CASZ1: variants seen among roughly 807,000 people sequenced by gnomAD.
CASZ1 encodes the protein castor zinc finger 1, also known as zinc finger protein castor homolog 1.
A neutral mutation model predicts 135.2 loss-of-function variants in CASZ1; 28 were observed. The ratio of observed to expected loss-of-function variants is 0.21; its 90% CI spans 0.15 to 0.28. The LOEUF is 0.28. CASZ1 is among the 10% of genes least tolerant of loss of function. The probability of loss-of-function intolerance (pLI) is 1.00; values close to 1 mark genes in which losing one functional copy is unlikely to be tolerated. For synonymous variants in CASZ1, 1,068 were observed against 1,073.4 expected (o/e 0.99, Z 0.10); for missense variants, 2,161 against 2,453.3 (o/e 0.88, Z 2.52).
chr1:10,653,368 C>A lies in CASZ1; in HGVS notation c.2680+9G>T. The A allele has an allele frequency of 6.2e-7, 1 of 1,613,010 alleles. No individual in the cohort carries two copies. The highest frequency in any genetic ancestry group is 1.3e-5 in the African/African-American group (1 of 75,078). On this transcript the variant is annotated intron_variant, in intron 11 of 20. Coordinates refer to ENST00000377022, the MANE Select transcript of CASZ1 (RefSeq NM_001079843.3). ...TGCCTGCTTTCTGGGCAGGACCCAG[C>A]CTGCTCACCTGGGTCAAAGGTGGCA...
chr1:10,743,757 C>T (rs1436852407), intron 2 of CASZ1, among the ~76,000 whole-genome samples: 1 of 151,210 alleles, frequency 6.6e-6, no homozygotes, highest in East Asian at 1.9e-4. Flanking sequence ...CCTTGGAGAA[C>T]CCCGATCCCG....
chr1:10,680,148 G>C (rs1638363817), intron 4 of CASZ1, among the ~76,000 whole-genome samples: 1 of 152,080 alleles, frequency 6.6e-6, no homozygotes, highest in East Asian at 1.9e-4. Flanking sequence ...GGGTGTCCTG[G>C]GCCTGACCTC....
At chr1:10,660,609 C>G in intron 5 of CASZ1, 73 bp from the exon 6 acceptor site, 1 of 1,362,572 alleles carries the variant, frequency 7.3e-7, no homozygotes. Flanking sequence ...CACTGGGGGC[C>G]CCCACCCATA....
intron 1 of CASZ1, among the ~76,000 whole-genome samples, chr1:10,792,000 G>A (rs1640964254): frequency 6.6e-6 from 1 of 151,822 alleles, no homozygotes; most frequent in Non-Finnish European, 1.5e-5. Context: ...GTAAGCCTCT[G>A]TTCTGTTTGC....
rs1640389761 is a variant in CASZ1, at chr1:10,762,123, T to C, written c.-233-1266A>G. On this transcript the variant is annotated intron_variant, in intron 1 of 20. Transcript: ENST00000377022. The surrounding 1 kb of genome is among the most constrained non-coding windows in gnomAD (Gnocchi z 4.1). ...CCCCTCCCCTCCTGCCTCCCAAGGT[T>C]GGACCTGAGTGCGAGGGGGAGTTGG... is the stretch of plus-strand genomic sequence containing the variant. Among the ~76,000 whole-genome samples, 1 of 152,112 alleles carries C rather than the reference T, an allele frequency of 6.6e-6. No homozygotes were observed. Among genetic ancestry groups the C allele is most frequent in the African/African-American group, 2.4e-5 (1 of 41,508 alleles).
chr1:10,768,687 G>A (rs559059750), intron 1 of CASZ1, among the ~76,000 whole-genome samples: 7 of 152,162 alleles, frequency 4.6e-5, no homozygotes, highest in Non-Finnish European at 1.0e-4. Context: ...GCAGAGCCCT[G>A]GCATCACCAC....
chr1:10,665,276 G>C lies in CASZ1; in HGVS notation c.312C>G (p.Pro104=), dbSNP rs767492835. 6.2e-7 allele frequency: 1 copy of C among 1,611,682 alleles called. No homozygotes were observed. Among genetic ancestry groups the C allele is most frequent in the Non-Finnish European group, 8.5e-7 (1 of 1,178,588 alleles). The change falls in exon 5 of 21, where the codon CCC becomes CCG. Residue 104 remains proline, a synonymous_variant. Transcript: ENST00000377022. ...CCTCGCGGGCAATCCGCCCCAACAC[G>C]GGTGTGGGTGCCGGCTCCTCGCTGT... is the stretch of plus-strand genomic sequence containing the variant. ...GEYSEEPAPT[P]VLGRIAREGL... is the part of the protein sequence containing the mutation.
At position 10,725,280 on chromosome 1, in the gene CASZ1, C is replaced by T. The variant is rs1043850538; in HGVS notation, c.-76-19736G>A. ...GCCAGGCGTCTGCCAGGCCCCTCCA[C>T]CGTGCCAATGCCAACACCGTGGCCG... On this transcript the variant is annotated intron_variant, in intron 2 of 20. Transcript: ENST00000377022. This position sits in a 1 kb window ranked among gnomAD's most constrained non-coding sequence, Gnocchi z 4.4. Among the ~76,000 whole-genome samples the T allele has an allele frequency of 2.0e-5, 3 of 152,244 alleles. No homozygotes were observed. Among genetic ancestry groups the T allele is most frequent in the Non-Finnish European group, 4.4e-5 (3 of 68,048 alleles).
rs1357162459 is a variant in CASZ1, at chr1:10,647,745, A to G, written c.3497+56T>C. On this transcript the variant is annotated intron_variant, in intron 16 of 20. Transcript: ENST00000377022. This position sits in a 1 kb window ranked among gnomAD's most constrained non-coding sequence, Gnocchi z 4.9. ...AGGGCCTCCTAGCGCCCTTGCTAGC[A>G]CCTACTCCCGAGACGCGAGGGGAAC... The G allele has an allele frequency of 6.2e-7, 1 of 1,607,124 alleles. No homozygotes were observed. Among genetic ancestry groups the G allele is most frequent in the African/African-American group, 1.3e-5 (1 of 74,912 alleles).
rs748264357 is a variant in CASZ1 at position 10,755,863 on chromosome 1, C to G, written c.-77+4838G>C. 1.3e-5 allele frequency among the ~76,000 whole-genome samples: 2 copies of G among 152,070 alleles called. No homozygotes were observed. Among genetic ancestry groups the G allele is most frequent in the African/African-American group, 2.4e-5 (1 of 41,412 alleles). ...CCCTCCTGCTCCCACCCCTCTGCAC[C>G]CCCCACCCCAGCTGCAGGCCATGGA... On this transcript the variant is annotated intron_variant, in intron 2 of 20. Transcript: ENST00000377022. This position sits in a 1 kb window ranked among gnomAD's most constrained non-coding sequence, Gnocchi z 4.3.
intron 10 of CASZ1, 74 bp from the exon 11 acceptor site, chr1:10,654,292 GA>G: frequency 1.3e-6 from 2 of 1,584,610 alleles, no homozygotes; most frequent in Non-Finnish European, 1.7e-6. Context: ...CCCTGGGAGG[GA>G]CAGTCCCCCG....
intron 1 of CASZ1, among the ~76,000 whole-genome samples, chr1:10,793,191 T>C (rs1640994724): frequency 6.6e-6 from 1 of 151,894 alleles, no homozygotes. Context: ...CAATAGCTTT[T>C]TTAAAAGATT....
At chr1:10,668,207 G>A (rs186609310) in intron 4 of CASZ1, among the ~76,000 whole-genome samples, 278 of 152,254 alleles carry the variant, frequency 1.8e-3, no homozygotes, top group Non-Finnish European at 2.4e-3. Flanking sequence ...GCTTTCCGCC[G>A]CCTTCCGGCC....
chr1:10,637,875 GTTAAA>G lies in CASZ1; in HGVS notation c.*1062_*1066del, dbSNP rs1373787542. 2 of 151,176 alleles carry G rather than the reference GTTAAA, an allele frequency of 1.3e-5. No individual in the cohort carries two copies. The highest frequency in any genetic ancestry group is 2.9e-5 in the Non-Finnish European group (2 of 67,880). 9.4% of individuals were successfully genotyped at this position (151,176 alleles called of 1,614,324 possible). ...CGCATCACCAAGAGAGAACTCAAAT[GTTAAA>G]TTAACTACAAACTTGGATCAACAGT... On this transcript the variant is annotated 3_prime_UTR_variant, in exon 21 of 21. Transcript: ENST00000377022.
In CASZ1 at chr1:10,774,218, C is replaced by T. The variant is rs1209340050; in HGVS notation, c.-233-13361G>A. On this transcript the variant is annotated intron_variant, in intron 1 of 20. Coordinates refer to ENST00000377022, the MANE Select transcript of CASZ1 (RefSeq NM_001079843.3). This position sits in a 1 kb window ranked among gnomAD's most constrained non-coding sequence, Gnocchi z 4.4. ...CGGAGTGCACCCTCCCACCTGACACCGTCGCTAAATCCTTGGATACACACG... is the reference window on the plus strand; with the variant it reads ...CGGAGTGCACCCTCCCACCTGACACTGTCGCTAAATCCTTGGATACACACG... Among the ~76,000 whole-genome samples the T allele has an allele frequency of 3.9e-5, 6 of 152,140 alleles. No individual in the cohort carries two copies. The East Asian group carries it at 5.8e-4, about 15-fold the overall frequency.
chr1:10,654,769 A>G (rs1256902318), intron 9 of CASZ1, among the ~76,000 whole-genome samples, 178 bp from the exon 10 acceptor site: 1 of 152,212 alleles, frequency 6.6e-6, no homozygotes, highest in Admixed American at 6.5e-5. Context: ...AAAGCCTCCA[A>G]CAGCCCCTCA....
intron 2 of CASZ1, among the ~76,000 whole-genome samples, chr1:10,734,676 A>AAAAG: frequency 6.6e-6 from 1 of 152,138 alleles, no homozygotes; most frequent in South Asian, 2.1e-4. Flanking sequence ...GAGAGAGAGA[A>AAAAG]AGAGAGAGAG....
Position 10,697,859 on chromosome 1 carries a change from C to T in CASZ1, c.-23-3947G>A, listed in dbSNP as rs138736546. 1.3e-4 allele frequency among the ~76,000 whole-genome samples: 20 copies of T among 152,392 alleles called. No homozygotes were observed. The East Asian group carries it at 3.7e-3, about 28-fold the overall frequency. ...GCGTGTGCCTGCGAACAAGCATGTT[C>T]GCACCTGCGAGGGAGTCCGTGTGTT... On this transcript the variant is annotated intron_variant, in intron 3 of 20. Transcript: ENST00000377022. This position sits in a 1 kb window ranked among gnomAD's most constrained non-coding sequence, Gnocchi z 4.7.
At chr1:10,773,592 G>C (rs868471789) in intron 1 of CASZ1, among the ~76,000 whole-genome samples, 1 of 152,094 alleles carries the variant, frequency 6.6e-6, no homozygotes, top group African/African-American at 2.4e-5. Context: ...CAAAGTCTTG[G>C]GGGCAGAAGG....
Sources: allele counts gnomAD v4.1 joint callset (sites outside exome capture counted in the v4.1 genomes callset), GRCh38; gene constraint gnomAD v4.1.1; non-coding constraint Gnocchi (gnomAD v3.1); transcripts MANE v1.5; gene names NCBI Gene and HGNC (gene_info 2026-07-23, HGNC 2026-07-21).